The following DPP6 variants were observed in gnomAD, a reference collection of about 807,000 sequenced individuals.
The protein encoded by DPP6 is A-type potassium channel modulatory protein DPP6.
DPP6 carries 69 observed loss-of-function variants against 122.6 expected under a neutral mutation model. The ratio of observed to expected loss-of-function variants is 0.56; its 90% CI spans 0.46 to 0.69. DPP6 has a LOEUF of 0.69. Ranked by LOEUF, DPP6 falls within the 30% of genes least tolerant of loss-of-function variation. The probability of loss-of-function intolerance (pLI) is 0.00; values close to 1 mark genes in which losing one functional copy is unlikely to be tolerated. For synonymous variants in DPP6, 418 were observed against 433.1 expected (o/e 0.97, Z 0.43); for missense variants, 928 against 1,116.9 (o/e 0.83, Z 2.41).
intron 4 of DPP6, among the ~76,000 whole-genome samples, chr7:154,548,158 G>A (rs780125253): frequency 2.4e-4 from 36 of 152,156 alleles, no homozygotes; most frequent in Non-Finnish European, 3.7e-4. Flanking sequence ...GCAGTGAGCA[G>A]AGAACACGCC....
At chr7:154,478,270 C>A (rs1306499510) in intron 3 of DPP6, among the ~76,000 whole-genome samples, 1 of 152,040 alleles carries the variant, frequency 6.6e-6, no homozygotes, top group African/African-American at 2.4e-5. Context: ...AACATTAATT[C>A]ATTCAGTAAG....
chr7:154,086,525 G>A lies in DPP6; in HGVS notation c.243+33462G>A, dbSNP rs376901550. Among the ~76,000 whole-genome samples, 19 of 149,942 alleles carry A rather than the reference G, an allele frequency of 1.3e-4. No individual in the cohort carries two copies. In the South Asian group the frequency reaches 4.1e-3, roughly 32 times the overall value. On this transcript the variant is annotated intron_variant, in intron 1 of 25. Transcript: ENST00000377770. ...TTCTGTTCCATCTGCTGCCCTACAC[G>A]ATGTTCCATTTCAGGGCTCGTTTCT...
intron 7 of DPP6, among the ~76,000 whole-genome samples, chr7:154,681,692 A>G (rs1181590499): frequency 6.6e-6 from 1 of 152,196 alleles, no homozygotes; most frequent in Non-Finnish European, 1.5e-5. Context: ...GTTTGGGTGG[A>G]GGGAACACCT....
At chr7:154,707,294 G>T (rs777961514) in intron 7 of DPP6, among the ~76,000 whole-genome samples, 2 of 152,200 alleles carry the variant, frequency 1.3e-5, no homozygotes, top group Non-Finnish European at 2.9e-5. Flanking sequence ...CCTCCCCACA[G>T]CACCATGAGG....
chr7:154,804,034 G>T (rs960060107), intron 14 of DPP6, 79 bp downstream of exon 14: 1 of 1,532,942 alleles, frequency 6.5e-7, no homozygotes, highest in African/African-American at 1.4e-5. Context: ...TACACTTATG[G>T]AGTACAGGAG....
chr7:154,425,078 C>T lies in DPP6; in HGVS notation c.244-21136C>T, dbSNP rs140426966. On this transcript the variant is annotated intron_variant, in intron 1 of 25. Transcript: ENST00000377770. ...ATGAGTCCCAGTGTAAAGTGTCAGA[C>T]GGATAACTTATTCTTTCCAAAAGAA... 1.5e-3 allele frequency among the ~76,000 whole-genome samples: 235 copies of T among 152,280 alleles called. 3 individuals carry two copies. In the East Asian group the frequency reaches 0.022, roughly 14 times the overall value.
intron 7 of DPP6, among the ~76,000 whole-genome samples, chr7:154,725,619 C>T (rs556656996): frequency 2.0e-5 from 3 of 152,292 alleles, no homozygotes; most frequent in African/African-American, 7.2e-5. Flanking sequence ...TACAATTTGA[C>T]ATGAGATTTG....
chr7:153,949,360 C>T (rs1802099901), intron 1 of DPP6, among the ~76,000 whole-genome samples: 1 of 152,190 alleles, frequency 6.6e-6, no homozygotes, highest in African/African-American at 2.4e-5. Flanking sequence ...CCCTCATTTC[C>T]TTGCAGCTCA....
At position 154,644,177 on chromosome 7, in the gene DPP6, C is replaced by T. The variant is rs371785202; in HGVS notation, c.680+6304C>T. Among the ~76,000 whole-genome samples the T allele has an allele frequency of 1.4e-4, 21 of 152,168 alleles. No individual in the cohort carries two copies. The East Asian group carries it at 3.5e-3, about 25-fold the overall frequency. On this transcript the variant is annotated intron_variant, in intron 6 of 25. Transcript: ENST00000377770. ...AGAGGAATGTGATGAAAACAGTAGG[C>T]GCAGATTAGTTTTGTGCTTATGTAT...
At chr7:154,773,811 C>T (rs1796402872) in intron 10 of DPP6, among the ~76,000 whole-genome samples, 1 of 152,160 alleles carries the variant, frequency 6.6e-6, no homozygotes, top group South Asian at 2.1e-4. Context: ...CTGGCAGCTT[C>T]TGGAAAGGGC....
intron 1 of DPP6, among the ~76,000 whole-genome samples, chr7:154,105,676 A>G (rs565050371): frequency 6.6e-6 from 1 of 152,232 alleles, no homozygotes; most frequent in African/African-American, 2.4e-5. Context: ...ATGAGAATGA[A>G]TAGGGCTTAC....
intron 5 of DPP6, among the ~76,000 whole-genome samples, chr7:154,594,498 T>C (rs1482121590): frequency 6.6e-6 from 1 of 152,202 alleles, no homozygotes; most frequent in African/African-American, 2.4e-5. Flanking sequence ...ATAGCAATAA[T>C]TGTCCTTCTC....
chr7:154,030,654 G>A (rs1216070864), intron 1 of DPP6, among the ~76,000 whole-genome samples: 2 of 152,114 alleles, frequency 1.3e-5, no homozygotes, highest in East Asian at 1.9e-4. Flanking sequence ...AGGCGTCCAC[G>A]TTCCTTTCCC....
chr7:154,170,058 C>T (rs1298893507), intron 1 of DPP6, among the ~76,000 whole-genome samples: 1 of 152,154 alleles, frequency 6.6e-6, no homozygotes, highest in Non-Finnish European at 1.5e-5. Context: ...TGGGAGATAT[C>T]ACACCATGAG....
At chr7:154,675,800 G>A (rs556151246) in intron 7 of DPP6, among the ~76,000 whole-genome samples, 97 of 152,250 alleles carry the variant, frequency 6.4e-4, no homozygotes, top group Admixed American at 1.8e-3. Context: ...AACTGTCCCC[G>A]TCTGTTCACA....
chr7:154,523,977 C>A (rs554861319), intron 3 of DPP6, among the ~76,000 whole-genome samples: 1 of 152,308 alleles, frequency 6.6e-6, no homozygotes, highest in South Asian at 2.1e-4. Context: ...CCAAGTTTTA[C>A]GACAGGGGCT....
chr7:153,926,409 G>A (rs967403769), intron 1 of DPP6, among the ~76,000 whole-genome samples: 15 of 152,216 alleles, frequency 9.9e-5, no homozygotes, highest in African/African-American at 3.1e-4. Context: ...CAGGGATGCT[G>A]TGAATTCGTT....
chr7:154,006,832 G>A (rs1797932973), intron 1 of DPP6, among the ~76,000 whole-genome samples: 1 of 152,262 alleles, frequency 6.6e-6, no homozygotes, highest in African/African-American at 2.4e-5. Context: ...ACATATAGGT[G>A]AGGAAATCTT....
intron 1 of DPP6, among the ~76,000 whole-genome samples, chr7:153,910,365 G>A (rs1282411060): frequency 6.6e-6 from 1 of 151,782 alleles, no homozygotes; most frequent in African/African-American, 2.4e-5. Context: ...GAGTAGCTGG[G>A]ACTATAGGCA....
Sources: allele counts gnomAD v4.1 joint callset (sites outside exome capture counted in the v4.1 genomes callset), GRCh38; gene constraint gnomAD v4.1.1; transcripts MANE v1.5; gene names NCBI Gene and HGNC (gene_info 2026-07-23, HGNC 2026-07-21).